The following ERICH6B variants were observed in gnomAD, a reference collection of about 807,000 sequenced individuals.
The protein encoded by ERICH6B is glutamate-rich protein 6B.
In ERICH6B, 69 loss-of-function variants were observed where a neutral mutation model predicts 80.0. That is an observed-to-expected ratio of 0.86 (90% CI 0.71 to 1.05). ERICH6B has a LOEUF of 1.05. Among genes scored for constraint, ERICH6B ranks in the 50% least tolerant of loss-of-function variants. The pLI, the probability that ERICH6B is intolerant of heterozygous loss-of-function variation, is 0.00. For missense variants in ERICH6B, 754 were observed against 796.1 expected (o/e 0.95, Z 0.64); for synonymous variants, 283 against 291.9 (o/e 0.97, Z 0.31).
At position 45,549,010 on chromosome 13, in the gene ERICH6B, G is replaced by A. The variant is rs372625788; in HGVS notation, c.1646+883C>T. Among the ~76,000 whole-genome samples the A allele has an allele frequency of 3.8e-4, 58 of 152,264 alleles. 1 individual carries two copies. Among genetic ancestry groups the A allele is most frequent in the Admixed American group, 7.2e-4 (11 of 15,298 alleles). On this transcript the variant is annotated intron_variant, in intron 13 of 14. Transcript: ENST00000298738. Reference sequence around the variant, plus strand: ...ATAATATAAGTCCCTTTGGCTGGGCGCGGTGGCTCACACCTGTAATCCCAG... The same window carrying A: ...ATAATATAAGTCCCTTTGGCTGGGCACGGTGGCTCACACCTGTAATCCCAG...
At chr13:45,547,357 G>T (rs1042203365) in intron 13 of ERICH6B, among the ~76,000 whole-genome samples, 1 of 152,160 alleles carries the variant, frequency 6.6e-6, no homozygotes, top group African/African-American at 2.4e-5. Flanking sequence ...ACACTGAGAT[G>T]GGCAGGCTGG....
intron 8 of ERICH6B, among the ~76,000 whole-genome samples, chr13:45,570,180 G>A (rs1875092077): frequency 2.0e-5 from 3 of 152,160 alleles, no homozygotes; most frequent in South Asian, 4.1e-4. Context: ...ATCATGGTAG[G>A]TGTATTGGGG....
intron 2 of ERICH6B, among the ~76,000 whole-genome samples, chr13:45,598,051 G>A (rs1876475073): frequency 6.6e-6 from 1 of 152,120 alleles, no homozygotes; most frequent in Non-Finnish European, 1.5e-5. Context: ...GCTTTCTGTT[G>A]TGCTTAGAAT....
In ERICH6B at chr13:45,541,634, A is replaced by G. The variant is rs1223325603; in HGVS notation, c.1919T>C (p.Leu640Pro). Reference sequence around the variant, plus strand: ...GGCTGTTGGGCCGGGTTCTGCCTCCAGGATGGTTTTCTTCTTCATTTCGCT... The same window carrying G: ...GGCTGTTGGGCCGGGTTCTGCCTCCGGGATGGTTTTCTTCTTCATTTCGCT... ...VLSEMKKKTI[L>P]EAEPGPTAQK... The change falls in exon 15 of 15, where the codon CTG (leucine) becomes CCG (proline). Residue 640 changes from leucine to proline, a missense_variant. By Grantham distance (98) the Leu-to-Pro change is moderately conservative (BLOSUM62 -3). Coordinates refer to ENST00000298738, the MANE Select transcript of ERICH6B (RefSeq NM_182542.3). 3 of 1,551,254 alleles carry G rather than the reference A, an allele frequency of 1.9e-6. No homozygotes were observed. In the African/African-American group the frequency reaches 4.1e-5, roughly 21 times the overall value.
chr13:45,576,755 G>T (rs371031267), intron 7 of ERICH6B, among the ~76,000 whole-genome samples: 13 of 152,190 alleles, frequency 8.5e-5, no homozygotes, highest in African/African-American at 2.7e-4. Flanking sequence ...TGGTACAAAA[G>T]GAAGTGTTTA....
At position 45,561,560 on chromosome 13, in the gene ERICH6B, A is replaced by G. The variant is rs762818909; in HGVS notation, c.1250-34T>C. On this transcript the variant is annotated intron_variant, in intron 10 of 14. Transcript: ENST00000298738. Reference sequence around the variant, plus strand: ...CAATTCAACGATTGCATTGAATAAGATTTTGGTGGGAAAGAGAAAGGAAAC... The same window carrying G: ...CAATTCAACGATTGCATTGAATAAGGTTTTGGTGGGAAAGAGAAAGGAAAC... 1.6e-5 allele frequency: 25 copies of G among 1,544,710 alleles called. No homozygotes were observed. The South Asian group carries it at 2.8e-4, about 17-fold the overall frequency.
intron 4 of ERICH6B, among the ~76,000 whole-genome samples, chr13:45,589,769 T>C (rs1032943173): frequency 6.6e-6 from 1 of 152,144 alleles, no homozygotes; most frequent in Non-Finnish European, 1.5e-5. Context: ...GTGTCAGCGA[T>C]TGGGGTGAAC....
At chr13:45,614,542 G>A (rs954990495) in intron 1 of ERICH6B, among the ~76,000 whole-genome samples, 1 of 152,208 alleles carries the variant, frequency 6.6e-6, no homozygotes, top group Admixed American at 6.5e-5. Flanking sequence ...TTTCCCTCCT[G>A]CTATGGGGGA....
At chr13:45,606,079 A>G (rs1942736920) in intron 2 of ERICH6B, among the ~76,000 whole-genome samples, 1 of 152,188 alleles carries the variant, frequency 6.6e-6, no homozygotes, top group Non-Finnish European at 1.5e-5. Flanking sequence ...GTTCTTAGGG[A>G]TTCCTTCAAA....
chr13:45,541,682 T>C lies in ERICH6B; in HGVS notation c.1873-2A>G. On this transcript the variant is annotated splice_acceptor_variant, in intron 14 of 14. Coordinates refer to ENST00000298738, the MANE Select transcript of ERICH6B (RefSeq NM_182542.3). LOFTEE classifies it high-confidence loss of function. The stretch of plus-strand genomic sequence containing the variant: ...GCTCAGCACCTCTGGGATCACAAAC[T>C]GTGGGGATTCACAGAGGACTGGGTG... The C allele has an allele frequency of 6.5e-7, 1 of 1,549,970 alleles. No individual in the cohort carries two copies. The highest frequency in any genetic ancestry group is 8.7e-7 in the Non-Finnish European group (1 of 1,146,946).
intron 14 of ERICH6B, among the ~76,000 whole-genome samples, chr13:45,543,676 A>G (rs1000991093): frequency 6.6e-6 from 1 of 152,246 alleles, no homozygotes; most frequent in Non-Finnish European, 1.5e-5. Flanking sequence ...GACTTGGCCC[A>G]GAACTGTGAG....
chr13:45,560,779 A>G (rs1439572845), intron 11 of ERICH6B, among the ~76,000 whole-genome samples: 2 of 152,136 alleles, frequency 1.3e-5, no homozygotes, highest in African/African-American at 4.8e-5. Context: ...ATGACTTTTC[A>G]TGGCTTAATT....
chr13:45,584,454 C>T (rs1875811860), intron 5 of ERICH6B, among the ~76,000 whole-genome samples: 1 of 152,192 alleles, frequency 6.6e-6, no homozygotes, highest in South Asian at 2.1e-4. Context: ...ATTTTTGACT[C>T]ATTGTGGTTG....
At chr13:45,563,269 C>T (rs1357762865) in intron 10 of ERICH6B, among the ~76,000 whole-genome samples, 2 of 152,156 alleles carry the variant, frequency 1.3e-5, no homozygotes, top group African/African-American at 4.8e-5. Context: ...CACAGTGTCC[C>T]CTTCCCATCA....
chr13:45,544,995 G>A lies in ERICH6B; in HGVS notation c.1647-10C>T, dbSNP rs1391742393. On this transcript the variant is annotated splice_polypyrimidine_tract_variant and intron_variant, in intron 13 of 14. Coordinates refer to ENST00000298738, the MANE Select transcript of ERICH6B (RefSeq NM_182542.3). ...GGAGCTCAGGTTCAACCTGGACCAGGAGAAAGCATGTCAGGCAGCCAGGGC... is the reference window on the plus strand; with the variant it reads ...GGAGCTCAGGTTCAACCTGGACCAGAAGAAAGCATGTCAGGCAGCCAGGGC... The A allele has an allele frequency of 1.3e-6, 2 of 1,548,400 alleles. No homozygotes were observed. Among genetic ancestry groups the A allele is most frequent in the African/African-American group, 1.4e-5 (1 of 73,044 alleles).
intron 3 of ERICH6B, among the ~76,000 whole-genome samples, chr13:45,591,276 T>C (rs990219597): frequency 9.2e-5 from 14 of 152,154 alleles, no homozygotes; most frequent in African/African-American, 3.1e-4. Flanking sequence ...CAAGAAAATA[T>C]TATTGAGGAA....
chr13:45,561,626 G>A lies in ERICH6B; in HGVS notation c.1250-100C>T, dbSNP rs114439630. ...TCAAGGTGCCAAAGGGAGTTTGAGG[G>A]TTTGGGAGATCTGCCATTTTTCCCC... On this transcript the variant is annotated intron_variant, in intron 10 of 14. Transcript: ENST00000298738. 1.6e-3 allele frequency: 2,162 copies of A among 1,356,856 alleles called. 37 individuals are homozygous for A. In the African/African-American group the frequency reaches 0.028, roughly 18 times the overall value. The allele number at this position is 1,356,856 out of a possible 1,614,324, so 84.1% of individuals were successfully genotyped here. A position where few individuals can be genotyped will look rare whatever the true frequency, so the allele number is the denominator to read the frequency against.
At chr13:45,592,418 C>A (rs563959754) in intron 3 of ERICH6B, among the ~76,000 whole-genome samples, 1 of 152,240 alleles carries the variant, frequency 6.6e-6, no homozygotes, top group African/African-American at 2.4e-5. Flanking sequence ...TCTCTTGCAC[C>A]TTTCTTCTGA....
chr13:45,549,153 G>T (rs1043834220), intron 13 of ERICH6B, among the ~76,000 whole-genome samples: 1 of 152,028 alleles, frequency 6.6e-6, no homozygotes, highest in Non-Finnish European at 1.5e-5. Context: ...GCTTGGCGGT[G>T]CATGCCTGTA....
Sources: allele counts gnomAD v4.1 joint callset (sites outside exome capture counted in the v4.1 genomes callset), GRCh38; gene constraint gnomAD v4.1.1; transcripts MANE v1.5; gene names NCBI Gene and HGNC (gene_info 2026-07-23, HGNC 2026-07-21).